SYT7: variants seen among roughly 807,000 people sequenced by gnomAD.
SYT7 encodes synaptotagmin 7.
A neutral mutation model predicts 75.1 loss-of-function variants in SYT7; 29 were observed. The ratio of observed to expected loss-of-function variants is 0.39; its 90% CI spans 0.29 to 0.53. SYT7 has a LOEUF of 0.53. Among genes scored for constraint, SYT7 ranks in the 20% least tolerant of loss-of-function variants. The probability of loss-of-function intolerance (pLI) is 0.77; values close to 1 mark genes in which losing one functional copy is unlikely to be tolerated. For synonymous variants in SYT7, 376 were observed against 401.7 expected (o/e 0.94, Z 0.76); for missense variants, 693 against 953.2 (o/e 0.73, Z 3.59).
chr11:61,539,311 G>C (rs1432586526), intron 6 of SYT7, among the ~76,000 whole-genome samples: 1 of 152,122 alleles, frequency 6.6e-6, no homozygotes, highest in East Asian at 1.9e-4. Flanking sequence ...ACCTTTAGTA[G>C]GGGGCATTCT....
chr11:61,558,777 T>C (rs1249911305), intron 1 of SYT7, among the ~76,000 whole-genome samples: 5 of 152,092 alleles, frequency 3.3e-5, no homozygotes, highest in Admixed American at 3.3e-4. Context: ...AGCTCTGCTC[T>C]TTTCACCCAG....
chr11:61,528,448 G>A (rs73496248), intron 8 of SYT7, among the ~76,000 whole-genome samples: 8,335 of 152,116 alleles, frequency 0.055, 318 homozygotes, highest in East Asian at 0.16. Context: ...GGCTCTCCTC[G>A]CAGCCCTGGG....
chr11:61,542,601 G>A lies in SYT7; in HGVS notation c.573-22C>T, dbSNP rs1237789069. The A allele has an allele frequency of 1.4e-6, 2 of 1,468,812 alleles. No homozygotes were observed. The highest frequency in any genetic ancestry group is 1.8e-6 in the Non-Finnish European group (2 of 1,113,854). The allele number at this position is 1,468,812 out of a possible 1,614,324, so 91.0% of individuals were successfully genotyped here. On this transcript the variant is annotated intron_variant, in intron 5 of 12. Coordinates refer to ENST00000539008, the MANE Select transcript of SYT7 (RefSeq NM_001365809.2). The surrounding 1 kb of genome is among the most constrained non-coding windows in gnomAD (Gnocchi z 7.8). ...GAAACTTGGGGCAGGTGGAGGAGAG[G>A]AGAGAAAGGAGAAGCAGATGAAGGG...
intron 5 of SYT7, among the ~76,000 whole-genome samples, chr11:61,544,802 T>A (rs2063139606): frequency 6.6e-6 from 1 of 152,056 alleles, no homozygotes; most frequent in South Asian, 2.1e-4. Flanking sequence ...GTGTGTGGCT[T>A]CCCTGTGGGA....
At chr11:61,585,504 C>T (rs1013076215), upstream of SYT7, among the ~76,000 whole-genome samples, 21 of 152,144 alleles carry the variant, frequency 1.4e-4, no homozygotes, top group Admixed American at 5.2e-4. Flanking sequence ...CATCCTGTAC[C>T]TTCTCCTACC....
At chr11:61,555,356 G>A (rs1405055306) in intron 2 of SYT7, among the ~76,000 whole-genome samples, 1 of 152,210 alleles carries the variant, frequency 6.6e-6, no homozygotes, top group Non-Finnish European at 1.5e-5. Flanking sequence ...TGGGCCGGGC[G>A]GCAGGAGTGG....
chr11:61,518,729 G>A lies in SYT7; in HGVS notation c.1959C>T (p.Ile653=), dbSNP rs373062639. The A allele has an allele frequency of 1.3e-6, 2 of 1,537,362 alleles. No homozygotes were observed. Among genetic ancestry groups the A allele is most frequent in the Admixed American group, 2.0e-5 (1 of 50,204 alleles). ...KLSRNDVIGK[I]YLSWKSGPGE... The stretch of plus-strand genomic sequence containing the variant: ...CTGGCCCGCTCTTCCAGGACAGGTA[G>A]ATCTGGGGAGAAAGGGGAGACGATG... Residue 653 remains isoleucine (I), a splice_region_variant and synonymous_variant, in exon 13 of 13, where the codon ATC becomes ATT. Coordinates refer to ENST00000539008, the MANE Select transcript of SYT7 (RefSeq NM_001365809.2).
Position 61,523,365 on chromosome 11 carries a change from G to A in SYT7, c.1757-91C>T. 3.1e-6 allele frequency: 4 copies of A among 1,293,366 alleles called. No individual in the cohort carries two copies. Among genetic ancestry groups the A allele is most frequent in the Non-Finnish European group, 4.4e-6 (4 of 900,728 alleles). 80.1% of individuals were successfully genotyped at this position (1,293,366 alleles called of 1,614,324 possible). ...CCTTCCAGGAATGGAAGCTGAGGCA[G>A]GAGGGCCGTGTGCTTTCCCCAGAGG... On this transcript the variant is annotated intron_variant, in intron 11 of 12. Coordinates refer to ENST00000539008, the MANE Select transcript of SYT7 (RefSeq NM_001365809.2). This position sits in a 1 kb window ranked among gnomAD's most constrained non-coding sequence, Gnocchi z 5.0.
In SYT7 at chr11:61,523,168, G is replaced by A; in HGVS notation, c.1863C>T (p.Ala621=). Residue 621 remains alanine, a synonymous_variant, in exon 12 of 13, where the codon GCC becomes GCT. Transcript: ENST00000539008. The surrounding 1 kb of genome is among the most constrained non-coding windows in gnomAD (Gnocchi z 5.0). ...TCAGCTTCTCCGTGGGGATATCGAA[G>A]GCGAAGGACTCATTGAAGATGGGGT... ...NLNPIFNESF[A]FDIPTEKLRE... is the part of the protein sequence containing the mutation. 1 of 1,614,212 alleles carries A rather than the reference G, an allele frequency of 6.2e-7. No homozygotes were observed. The highest frequency in any genetic ancestry group is 8.5e-7 in the Non-Finnish European group (1 of 1,180,038).
At chr11:61,554,316 A>C (rs1001445889) in intron 2 of SYT7, among the ~76,000 whole-genome samples, 8 of 152,082 alleles carry the variant, frequency 5.3e-5, no homozygotes, top group African/African-American at 1.9e-4. Context: ...ACCCACACAC[A>C]CACACTGCAG....
rs1177500439 is a variant in SYT7, at chr11:61,517,626, A to C, written c.*1001T>G. On this transcript the variant is annotated 3_prime_UTR_variant, in exon 13 of 13. Transcript: ENST00000539008. ...GAGAATAGGGCAGATGTGGCTGCGTATGAGGTGTGGGAAGCTGGCGGGGGG... is the reference window on the plus strand; with the variant it reads ...GAGAATAGGGCAGATGTGGCTGCGTCTGAGGTGTGGGAAGCTGGCGGGGGG... The C allele has an allele frequency of 7.5e-6, 3 of 398,784 alleles. No homozygotes were observed. The highest frequency in any genetic ancestry group is 1.3e-5 in the Non-Finnish European group (3 of 226,278). 24.7% of individuals were successfully genotyped at this position (398,784 alleles called of 1,614,324 possible).
chr11:61,525,191 G>A (rs1035608722), intron 9 of SYT7, among the ~76,000 whole-genome samples: 5 of 152,184 alleles, frequency 3.3e-5, no homozygotes, highest in Non-Finnish European at 7.3e-5. Context: ...CCGCATCCAC[G>A]CTTTCTCCTA....
intron 5 of SYT7, among the ~76,000 whole-genome samples, chr11:61,544,090 G>A (rs143103326): frequency 6.6e-5 from 10 of 152,340 alleles, no homozygotes; most frequent in Admixed American, 5.9e-4. Context: ...TTCCACAATG[G>A]CAGGGTTGAG....
rs537711706 is a variant in SYT7 at position 61,535,812 on chromosome 11, CAG to C, written c.1064+2330_1064+2331del. The stretch of plus-strand genomic sequence containing the variant: ...AGCCAAGGGCCACCACCCCTTCCTC[CAG>C]AGACATCTGGTCAAGGGGTCAGCTG... On this transcript the variant is annotated intron_variant, in intron 7 of 12. Coordinates refer to ENST00000539008, the MANE Select transcript of SYT7 (RefSeq NM_001365809.2). Among the ~76,000 whole-genome samples, 5 of 152,304 alleles carry C rather than the reference CAG, an allele frequency of 3.3e-5. No homozygotes were observed. In the East Asian group the frequency reaches 9.7e-4, roughly 29 times the overall value.
upstream of SYT7, among the ~76,000 whole-genome samples, chr11:61,585,843 T>C (rs1171933513): frequency 4.6e-5 from 7 of 150,910 alleles, no homozygotes; most frequent in Non-Finnish European, 8.8e-5. Flanking sequence ...ACTCGGGTCC[T>C]ACCTCTGCCT....
rs1454421826 is a variant in SYT7 at position 61,528,157 on chromosome 11, G to A, written c.1229C>T (p.Ala410Val). 2.5e-6 allele frequency: 4 copies of A among 1,612,430 alleles called. No individual in the cohort carries two copies. The highest frequency in any genetic ancestry group is 3.4e-6 in the Non-Finnish European group (4 of 1,179,968). ...GTTCTCTCGGCTGCAACCCTCGTGG[G>A]CCTCATCCTCCTCGGAGCCTGGGGA... ...MLSPGSEEDE[A>V]HEGCSRENLG... The change falls in exon 9 of 13, where the codon GCC becomes GTC. Residue 410 changes from alanine (A) to valine (V), a missense_variant. Around this residue, in one of 2 missense-constraint regions of SYT7, gnomAD observed 487 missense variants for 593.2 expected, o/e 0.82. Transcript: ENST00000539008.
intron 1 of SYT7, among the ~76,000 whole-genome samples, chr11:61,560,587 C>A (rs2063612090): frequency 6.6e-6 from 1 of 152,192 alleles, no homozygotes. Context: ...CTTGCCACTG[C>A]AAATTGCATT....
chr11:61,532,906 C>A, intron 8 of SYT7, 83 bp downstream of exon 8: 2 of 1,561,618 alleles, frequency 1.3e-6, no homozygotes, highest in Non-Finnish European at 1.7e-6. Context: ...TGCTGTTAAT[C>A]ATTCCCACAC....
chr11:61,523,822 C>T lies in SYT7; in HGVS notation c.1756+5G>A, dbSNP rs767530691. 5.6e-6 allele frequency: 9 copies of T among 1,613,466 alleles called. No individual in the cohort carries two copies. The highest frequency in any genetic ancestry group is 5.3e-5 in the African/African-American group (4 of 74,854). Reference sequence around the variant, plus strand: ...CGCCCATCCTCTGCTGGAGAAGCCCCGTACCTGATGTGCCCCCGATGTCCA... The same window carrying T: ...CGCCCATCCTCTGCTGGAGAAGCCCTGTACCTGATGTGCCCCCGATGTCCA... On this transcript the variant is annotated splice_donor_5th_base_variant and intron_variant, in intron 11 of 12. Transcript: ENST00000539008. The surrounding 1 kb of genome is among the most constrained non-coding windows in gnomAD (Gnocchi z 5.0).
Sources: gnomAD v4.1 joint callset for allele counts (sites outside exome capture counted in the v4.1 genomes callset) on GRCh38, gnomAD v4.1.1 for gene constraint, gnomAD v4.1.1 regional missense constraint, Gnocchi (gnomAD v3.1) non-coding constraint, MANE v1.5 for transcripts, NCBI Gene and HGNC (gene_info 2026-07-23, HGNC 2026-07-21) for gene names.